The following FHL5 variants were observed in gnomAD, a reference collection of about 807,000 sequenced individuals.
The protein encoded by FHL5 is four and a half LIM domains 5.
In FHL5, 33 loss-of-function variants were observed where a neutral mutation model predicts 32.0. That is an observed-to-expected ratio of 1.03 (90% CI 0.78 to 1.38). The LOEUF (loss-of-function observed/expected upper bound fraction) is 1.38. FHL5 is among the 40% of genes most tolerant of loss of function. The pLI, the probability that FHL5 is intolerant of heterozygous loss-of-function variation, is 0.00. For synonymous variants in FHL5, 114 were observed against 113.6 expected, an observed-to-expected ratio of 1.00 and a Z score of -0.02; for missense variants, 336 against 343.9, an observed-to-expected ratio of 0.98 and a Z score of 0.18.
intron 5 of FHL5, among the ~76,000 whole-genome samples, chr6:96,612,184 C>T (rs1018729008): frequency 1.6e-4 from 25 of 152,178 alleles, no homozygotes; most frequent in African/African-American, 6.0e-4. Flanking sequence ...CTTTTAATTA[C>T]CCTGCTCTCC....
intron 4 of FHL5, among the ~76,000 whole-genome samples, chr6:96,608,983 C>G (rs528335144): frequency 6.6e-6 from 1 of 152,264 alleles, no homozygotes; most frequent in South Asian, 2.1e-4. Flanking sequence ...TCAAAGGAAT[C>G]ATGAATTCTG....
Position 96,610,709 on chromosome 6 carries a change from C to T in FHL5, c.642C>T (p.Tyr214=), listed in dbSNP as rs775940481. 5.6e-6 allele frequency: 9 copies of T among 1,613,912 alleles called. No homozygotes were observed. In the South Asian group the frequency reaches 9.9e-5, roughly 18 times the overall value. Residue 214 remains tyrosine (Y), a synonymous_variant, in exon 5 of 6, where the codon TAC becomes TAT. Transcript: ENST00000450218. The part of the protein sequence containing the change: ...RDDYPFCVDC[Y]NHLYANKCVA... ...ACTATCCATTCTGCGTGGACTGCTA[C>T]AACCATCTTTATGCCAACAAGTGTG...
At chr6:96,573,958 T>G (rs1006735415) in intron 1 of FHL5, among the ~76,000 whole-genome samples, 2 of 152,158 alleles carry the variant, frequency 1.3e-5, no homozygotes, top group African/African-American at 4.8e-5. Flanking sequence ...TACTGAAAAG[T>G]AAAATTTTAA....
intron 1 of FHL5, among the ~76,000 whole-genome samples, chr6:96,575,734 C>T (rs1021138335): frequency 2.0e-5 from 3 of 152,108 alleles, no homozygotes; most frequent in Non-Finnish European, 4.4e-5. Context: ...TTCTCTCTTA[C>T]GATCTTTAAC....
chr6:96,571,168 C>A (rs1292460960), intron 1 of FHL5, among the ~76,000 whole-genome samples: 1 of 152,016 alleles, frequency 6.6e-6, no homozygotes, highest in Non-Finnish European at 1.5e-5. Context: ...TTTCATCCTG[C>A]AGTTGAGTTT....
rs1770615768 is a variant in FHL5, at chr6:96,577,877, GT to G, written c.-13+14523del. On this transcript the variant is annotated intron_variant, in intron 1 of 5. Transcript: ENST00000450218. ...GTGGAAAACAAAACAAATGGCTTCT[GT>G]GAGAAGCCTGGAAACCTGAATTCTG... Among the ~76,000 whole-genome samples the G allele has an allele frequency of 5.3e-5, 8 of 151,502 alleles. No individual in the cohort carries two copies. In the South Asian group the frequency reaches 1.7e-3, roughly 32 times the overall value.
chr6:96,598,589 G>A (rs929582323), intron 1 of FHL5, among the ~76,000 whole-genome samples: 9 of 152,132 alleles, frequency 5.9e-5, no homozygotes, highest in Admixed American at 3.3e-4. Flanking sequence ...AACTACTTGA[G>A]AACTGAAAAA....
At chr6:96,576,393 C>T (rs1770584956) in intron 1 of FHL5, among the ~76,000 whole-genome samples, 1 of 152,222 alleles carries the variant, frequency 6.6e-6, no homozygotes, top group African/African-American at 2.4e-5. Context: ...ATAAAGCATA[C>T]TGTGGGTGGT....
intron 1 of FHL5, among the ~76,000 whole-genome samples, chr6:96,600,960 G>C (rs1771134555): frequency 6.6e-6 from 1 of 152,160 alleles, no homozygotes; most frequent in Non-Finnish European, 1.5e-5. Context: ...AAGGTTTTGA[G>C]ATATTAGACT....
chr6:96,610,459 T>A (rs941783022), intron 4 of FHL5, 113 bp from the exon 5 acceptor site: 2 of 767,430 alleles, frequency 2.6e-6, no homozygotes, highest in East Asian at 4.9e-5. Context: ...GATCTTTTTT[T>A]TTTCTTTTTG....
chr6:96,614,773 A>G (rs961053342), intron 5 of FHL5, among the ~76,000 whole-genome samples: 6 of 152,212 alleles, frequency 3.9e-5, no homozygotes, highest in Admixed American at 6.5e-5. Context: ...TTCTTGAACT[A>G]TACCCTGGAA....
chr6:96,566,162 C>G (rs1240022276), intron 1 of FHL5, among the ~76,000 whole-genome samples: 2 of 152,064 alleles, frequency 1.3e-5, no homozygotes, highest in African/African-American at 4.8e-5. Flanking sequence ...TTCCCCCTAC[C>G]CTTTTCTGCT....
intron 1 of FHL5, 82 bp from the exon 2 acceptor site, chr6:96,603,520 C>A: frequency 1.0e-6 from 1 of 998,600 alleles, no homozygotes. Context: ...AAATGCTTCA[C>A]TCACATTATA....
chr6:96,579,853 G>A (rs572130298), intron 1 of FHL5, among the ~76,000 whole-genome samples: 2 of 152,280 alleles, frequency 1.3e-5, no homozygotes, highest in African/African-American at 4.8e-5. Flanking sequence ...TCTGTAAAAG[G>A]ACAGATAGGA....
intron 1 of FHL5, among the ~76,000 whole-genome samples, chr6:96,584,590 A>C (rs1253069929): frequency 6.6e-6 from 1 of 152,022 alleles, no homozygotes; most frequent in Non-Finnish European, 1.5e-5. Context: ...TAGATTTTAT[A>C]GTCGAAGAAG....
At chr6:96,584,461 T>TTGTGTGTG (rs781665593) in intron 1 of FHL5, among the ~76,000 whole-genome samples, 1 of 85,220 alleles carries the variant, frequency 1.2e-5, no homozygotes, top group Non-Finnish European at 2.5e-5. Context: ...GTGTGTGTGT[T>TTGTGTGTG]TGTGTGTGTG....
chr6:96,575,855 A>G (rs1180381730), intron 1 of FHL5, among the ~76,000 whole-genome samples: 2 of 152,254 alleles, frequency 1.3e-5, no homozygotes, highest in Non-Finnish European at 2.9e-5. Context: ...CCTTTTCAGT[A>G]TGGTGTTTAG....
At chr6:96,572,230 T>C (rs1770494322) in intron 1 of FHL5, among the ~76,000 whole-genome samples, 1 of 152,144 alleles carries the variant, frequency 6.6e-6, no homozygotes, top group African/African-American at 2.4e-5. Context: ...TCAGTTCAGC[T>C]TAAGTAATGG....
chr6:96,569,089 C>T (rs1770421761), intron 1 of FHL5, among the ~76,000 whole-genome samples: 2 of 151,872 alleles, frequency 1.3e-5, no homozygotes, highest in Admixed American at 6.6e-5. Context: ...TTGCTGCACA[C>T]TTACCTTCTA....
Sources: allele counts gnomAD v4.1 joint callset (sites outside exome capture counted in the v4.1 genomes callset), GRCh38; gene constraint gnomAD v4.1.1; transcripts MANE v1.5; gene names NCBI Gene and HGNC (gene_info 2026-07-23, HGNC 2026-07-21).